Variants in CPSF2 observed in about 807,000 individuals in gnomAD.
CPSF2 encodes the protein cleavage and polyadenylation specificity factor subunit 2.
In CPSF2, 51 loss-of-function variants were observed where a neutral mutation model predicts 84.2. That is an observed-to-expected ratio of 0.61 (90% CI 0.48 to 0.77). The LOEUF is 0.77. CPSF2 is among the 30% of genes least tolerant of loss of function. The probability of loss-of-function intolerance (pLI) is 0.00; values close to 1 mark genes in which losing one functional copy is unlikely to be tolerated. For synonymous variants in CPSF2, 286 were observed against 311.9 expected, an observed-to-expected ratio of 0.92 and a Z score of 0.87; for missense variants, 641 against 929.4, an observed-to-expected ratio of 0.69 and a Z score of 4.03.
At position 92,134,253 on chromosome 14, in the gene CPSF2, C is replaced by T. The variant is rs1455505490; in HGVS notation, c.313C>T (p.Arg105Ter). The T allele has an allele frequency of 4.3e-6, 7 of 1,612,418 alleles. No individual in the cohort carries two copies. The highest frequency in any genetic ancestry group is 5.9e-6 in the Non-Finnish European group (7 of 1,178,666). The stretch of plus-strand genomic sequence containing the variant: ...TTTATTTGTGTTATTCTTTTAGTCT[C>T]GACACAATACAGAAGATTTTACACT... ...QMFMYDLYQS[R>*]HNTEDFTLFT... The change falls in exon 5 of 16, where the codon CGA becomes TGA. Residue 105 changes from arginine (R) to a stop codon, truncating the protein, a stop_gained. Coordinates refer to ENST00000298875, the MANE Select transcript of CPSF2 (RefSeq NM_017437.3). LOFTEE classifies it high-confidence loss of function.
intron 5 of CPSF2, 83 bp from the exon 6 acceptor site, chr14:92,135,284 A>G (rs1018347288): frequency 1.6e-4 from 198 of 1,266,776 alleles, no homozygotes; most frequent in Non-Finnish European, 2.1e-4. Context: ...AGTATTACCT[A>G]TTAAAATATT....
chr14:92,157,542 G>T lies in CPSF2; in HGVS notation c.1596-117G>T. ...AAACAAAAATAAAATAAATCATACA[G>T]ATACTATAACATGTGTATTTCTCAA... On this transcript the variant is annotated intron_variant, in intron 12 of 15. Coordinates refer to ENST00000298875, the MANE Select transcript of CPSF2 (RefSeq NM_017437.3). This position sits in a 1 kb window ranked among gnomAD's most constrained non-coding sequence, Gnocchi z 4.0. 1 of 666,204 alleles carries T rather than the reference G, an allele frequency of 1.5e-6. No individual in the cohort carries two copies. The highest frequency in any genetic ancestry group is 3.0e-5 in the Admixed American group (1 of 33,290). 41.3% of individuals were successfully genotyped at this position (666,204 alleles called of 1,614,324 possible). A position where few individuals can be genotyped will look rare whatever the true frequency, so the allele number is the denominator to read the frequency against.
chr14:92,135,570 C>G, intron 6 of CPSF2, 74 bp downstream of exon 6: 1 of 1,466,004 alleles, frequency 6.8e-7, no homozygotes, highest in Non-Finnish European at 9.2e-7. Flanking sequence ...AAATAAGAAA[C>G]ACAGTTTTTG....
rs2068842744 is a variant in CPSF2, at chr14:92,126,103, G to A, written c.-93-19G>A. The stretch of plus-strand genomic sequence containing the variant: ...GAAATCATAATACCACATTCATAAG[G>A]CTTTTATTTATTTTTTAGATTAATA... On this transcript the variant is annotated intron_variant, in intron 1 of 15. Coordinates refer to ENST00000298875, the MANE Select transcript of CPSF2 (RefSeq NM_017437.3). 6.6e-6 allele frequency: 1 copy of A among 152,014 alleles called. No individual in the cohort carries two copies. The highest frequency in any genetic ancestry group is 2.4e-5 in the African/African-American group (1 of 41,382). 9.4% of individuals were successfully genotyped at this position (152,014 alleles called of 1,614,324 possible). A position where few individuals can be genotyped will look rare whatever the true frequency, so the allele number is the denominator to read the frequency against.
intron 9 of CPSF2, among the ~76,000 whole-genome samples, chr14:92,152,231 G>A (rs2069229263): frequency 6.6e-6 from 1 of 152,084 alleles, no homozygotes; most frequent in Non-Finnish European, 1.5e-5. Flanking sequence ...CCAGGTTCAA[G>A]TGATTCTCCT....
Position 92,136,549 on chromosome 14 carries a change from A to G in CPSF2, c.545+1053A>G, listed in dbSNP as rs930473907. Among the ~76,000 whole-genome samples, 3 of 152,180 alleles carry G rather than the reference A, an allele frequency of 2.0e-5. No individual in the cohort carries two copies. In the South Asian group the frequency reaches 6.2e-4, roughly 32 times the overall value. On this transcript the variant is annotated intron_variant, in intron 6 of 15. Coordinates refer to ENST00000298875, the MANE Select transcript of CPSF2 (RefSeq NM_017437.3). ...TAGCAGTAATGTGAACCTGTGATCAATTAAGCAGCTGACCAATTGTTACCT... is the reference window on the plus strand; with the variant it reads ...TAGCAGTAATGTGAACCTGTGATCAGTTAAGCAGCTGACCAATTGTTACCT...
chr14:92,123,431 T>C (rs1446339211), intron 1 of CPSF2, among the ~76,000 whole-genome samples: 1 of 151,202 alleles, frequency 6.6e-6, no homozygotes. Flanking sequence ...CGGGTCTCGC[T>C]CTGTCCACCC....
chr14:92,133,029 G>A (rs59757946), intron 3 of CPSF2, among the ~76,000 whole-genome samples: 1,998 of 151,864 alleles, frequency 0.013, 67 homozygotes, highest in East Asian at 0.13. Context: ...GGTGGAGGTC[G>A]CAGTGAGCCG....
intron 2 of CPSF2, among the ~76,000 whole-genome samples, chr14:92,129,078 A>T (rs536725674): frequency 4.6e-5 from 7 of 152,306 alleles, no homozygotes; most frequent in African/African-American, 1.7e-4. Flanking sequence ...AGGAAAGAGA[A>T]GACATGGTTT....
At chr14:92,128,182 C>T (rs754196426) in intron 2 of CPSF2, among the ~76,000 whole-genome samples, 1 of 151,734 alleles carries the variant, frequency 6.6e-6, no homozygotes, top group Non-Finnish European at 1.5e-5. Flanking sequence ...TTGCAGTGAG[C>T]TGAGATCTTG....
intron 9 of CPSF2, among the ~76,000 whole-genome samples, chr14:92,150,439 T>G (rs180845574): frequency 1.1e-3 from 164 of 143,240 alleles, no homozygotes; most frequent in African/African-American, 4.3e-3. Context: ...GTGTGTGTGT[T>G]TTTTTTTTTT....
intron 9 of CPSF2, among the ~76,000 whole-genome samples, chr14:92,151,436 TAAAAA>T (rs201881129): frequency 7.4e-6 from 1 of 135,590 alleles, no homozygotes. Flanking sequence ...GTAAGATACA[TAAAAA>T]AAAAAAAAAA....
chr14:92,142,990 T>C lies in CPSF2; in HGVS notation c.850-14T>C, dbSNP rs35609412. On this transcript the variant is annotated splice_polypyrimidine_tract_variant and intron_variant, in intron 8 of 15. Transcript: ENST00000298875. ...TAGTATTTCTAATTCTTGTCATCTT[T>C]CCCCCCATGTTAGGTAGAATGGATG... 285,385 of 1,574,922 alleles carry C rather than the reference T, an allele frequency of 0.18. 27,909 individuals carry two copies. Among genetic ancestry groups the C allele is most frequent in the East Asian group, 0.32 (14,409 of 44,494 alleles).
chr14:92,160,660 C>T (rs1485545737), intron 14 of CPSF2, among the ~76,000 whole-genome samples: 2 of 152,198 alleles, frequency 1.3e-5, no homozygotes, highest in Non-Finnish European at 2.9e-5. Flanking sequence ...GATTGTAGAA[C>T]CTATGGCATC....
chr14:92,135,641 T>A, intron 6 of CPSF2, 145 bp downstream of exon 6: 1 of 744,960 alleles, frequency 1.3e-6, no homozygotes, highest in Non-Finnish European at 2.2e-6. Context: ...TTTTCAAAAT[T>A]AATTATTTGC....
chr14:92,155,977 G>T (rs1595065702), intron 11 of CPSF2, among the ~76,000 whole-genome samples: 1 of 151,598 alleles, frequency 6.6e-6, no homozygotes, highest in African/African-American at 2.4e-5. Context: ...ACTATCCTGT[G>T]TGGAAAATAA....
At position 92,161,233 on chromosome 14, in the gene CPSF2, T is replaced by C. The variant is rs1416789219; in HGVS notation, c.2243T>C (p.Val748Ala). The C allele has an allele frequency of 6.2e-7, 1 of 1,612,516 alleles. No individual in the cohort carries two copies. The highest frequency in any genetic ancestry group is 8.5e-7 in the Non-Finnish European group (1 of 1,179,442). Residue 748 changes from valine (V) to alanine (A), a missense_variant, in exon 15 of 16, where the codon GTA becomes GCA. Transcript: ENST00000298875. ...VGGVLVCNNQ[V>A]AVRRTETGRI... Reference sequence around the variant, plus strand: ...GGTGTACTTGTTTGCAACAATCAAGTAGCAGTCCGCAGAGTAAGTGTGTTT... The same window carrying C: ...GGTGTACTTGTTTGCAACAATCAAGCAGCAGTCCGCAGAGTAAGTGTGTTT...
rs1268507832 is a variant in CPSF2 at position 92,172,107 on chromosome 14, G to A, written c.*10363G>A. On this transcript the variant is annotated 3_prime_UTR_variant, in exon 16 of 16. Transcript: ENST00000298875. ...CAAAGCAGGCATTCCAATTCACATG[G>A]TGCTCTAGCAATTGTGAAATAAACA... 1.3e-5 allele frequency: 2 copies of A among 152,214 alleles called. No homozygotes were observed. The highest frequency in any genetic ancestry group is 4.8e-5 in the African/African-American group (2 of 41,446). 9.4% of individuals were successfully genotyped at this position (152,214 alleles called of 1,614,324 possible). A position where few individuals can be genotyped will look rare whatever the true frequency, so the allele number is the denominator to read the frequency against.
chr14:92,154,577 G>C, intron 10 of CPSF2, 119 bp downstream of exon 10: 1 of 643,318 alleles, frequency 1.6e-6, no homozygotes, highest in South Asian at 2.4e-5. Context: ...TTTTGTTACA[G>C]ACATCTTTCA....
Sources: allele counts gnomAD v4.1 joint callset (sites outside exome capture counted in the v4.1 genomes callset), GRCh38; gene constraint gnomAD v4.1.1; non-coding constraint Gnocchi (gnomAD v3.1); transcripts MANE v1.5; gene names NCBI Gene and HGNC (gene_info 2026-07-23, HGNC 2026-07-21).